PIEZO2: variants seen among roughly 807,000 people sequenced by gnomAD.
PIEZO2 encodes piezo type mechanosensitive ion channel component 2, also known as piezo-type mechanosensitive ion channel component 2.
Under a neutral mutation model 337.3 loss-of-function variants are expected in PIEZO2, and 172 were observed. The observed-to-expected ratio is 0.51, with a 90% CI of 0.45 to 0.58. The LOEUF is 0.58. Among genes scored for constraint, PIEZO2 ranks in the 20% least tolerant of loss-of-function variants. The pLI is 0.00. For missense variants in PIEZO2, 3,028 were observed against 3,391.3 expected (o/e 0.89, Z 2.66); for synonymous variants, 1,251 against 1,228.5 (o/e 1.02, Z -0.38).
chr18:11,000,391 T>C (rs2035487124), intron 2 of PIEZO2, among the ~76,000 whole-genome samples: 1 of 152,236 alleles, frequency 6.6e-6, no homozygotes, highest in Non-Finnish European at 1.5e-5. Context: ...CCTGGCTTTA[T>C]ATCCTATTAT....
chr18:11,076,712 G>C (rs2038560685), intron 1 of PIEZO2, among the ~76,000 whole-genome samples: 2 of 152,066 alleles, frequency 1.3e-5, no homozygotes, highest in African/African-American at 4.8e-5. Flanking sequence ...ATTAGTAACA[G>C]TACATATATA....
chr18:10,863,997 G>A lies in PIEZO2; in HGVS notation c.493-6786C>T, dbSNP rs545167276. Among the ~76,000 whole-genome samples, 4 of 152,028 alleles carry A rather than the reference G, an allele frequency of 2.6e-5. No individual in the cohort carries two copies. The highest frequency in any genetic ancestry group is 9.6e-5 in the African/African-American group (4 of 41,468). ...GTAGCTGTTCTAAATGATTCACCCT[G>A]GTATTCACTCCAAAAATAAAAAATT... On this transcript the variant is annotated intron_variant, in intron 5 of 55. Coordinates refer to ENST00000674853, the MANE Select transcript of PIEZO2 (RefSeq NM_001378183.1). The surrounding 1 kb of genome is among the most constrained non-coding windows in gnomAD (Gnocchi z 4.3).
At chr18:10,901,715 T>C (rs367994266) in intron 4 of PIEZO2, among the ~76,000 whole-genome samples, 1 of 152,306 alleles carries the variant, frequency 6.6e-6, no homozygotes, top group Non-Finnish European at 1.5e-5. Context: ...CCTAGGGTGC[T>C]GAGTAGAATA....
rs752128505 is a variant in PIEZO2 at position 10,680,237 on chromosome 18, A to G, written c.7914T>C (p.Asn2638=). 1 of 1,613,872 alleles carries G rather than the reference A, an allele frequency of 6.2e-7. No individual in the cohort carries two copies. The highest frequency in any genetic ancestry group is 8.5e-7 in the Non-Finnish European group (1 of 1,179,810). Residue 2638 remains asparagine (N), a synonymous_variant, in exon 52 of 56, where the codon AAT becomes AAC. Coordinates refer to ENST00000674853, the MANE Select transcript of PIEZO2 (RefSeq NM_001378183.1). Reference sequence around the variant, plus strand: ...ATGAAAAAACAACAGAGAAGCTACTATTGGGGTCCAGGAGTTCGTGTATCA... The same window carrying G: ...ATGAAAAAACAACAGAGAAGCTACTGTTGGGGTCCAGGAGTTCGTGTATCA... ...QKMIHELLDP[N]SSFSVVFSWS...
At chr18:10,849,295 G>A (rs1396812236) in intron 7 of PIEZO2, among the ~76,000 whole-genome samples, 1 of 152,136 alleles carries the variant, frequency 6.6e-6, no homozygotes, top group Non-Finnish European at 1.5e-5. Context: ...TACAGGCTTG[G>A]GCCACTGCGC....
intron 41 of PIEZO2, among the ~76,000 whole-genome samples, chr18:10,704,966 C>T (rs2035512685): frequency 6.6e-6 from 1 of 152,244 alleles, no homozygotes; most frequent in Non-Finnish European, 1.5e-5. Context: ...GCTGGGATTA[C>T]AGGCATGAGC....
rs1266559655 is a variant in PIEZO2, at chr18:11,080,940, C to A, written c.65-14718G>T. ...ATGGAGTCAACGTCCAATAGCTTCA[C>A]CAAATTGGTTATTCTGCAACATACC... On this transcript the variant is annotated intron_variant, in intron 1 of 55. Coordinates refer to ENST00000674853, the MANE Select transcript of PIEZO2 (RefSeq NM_001378183.1). This position sits in a 1 kb window ranked among gnomAD's most constrained non-coding sequence, Gnocchi z 5.4. Among the ~76,000 whole-genome samples, 3 of 152,186 alleles carry A rather than the reference C, an allele frequency of 2.0e-5. No individual in the cohort carries two copies. The highest frequency in any genetic ancestry group is 4.4e-5 in the Non-Finnish European group (3 of 68,034).
chr18:10,758,573 G>C (rs1273770388), intron 26 of PIEZO2, among the ~76,000 whole-genome samples: 1 of 152,166 alleles, frequency 6.6e-6, no homozygotes, highest in Non-Finnish European at 1.5e-5. Flanking sequence ...AGCCTCCCAA[G>C]TAGCTGGGAA....
At chr18:11,037,167 A>G (rs2036953631) in intron 2 of PIEZO2, among the ~76,000 whole-genome samples, 1 of 152,152 alleles carries the variant, frequency 6.6e-6, no homozygotes, top group Non-Finnish European at 1.5e-5. Context: ...GGGTTTCACC[A>G]TGTCGGCCAG....
At position 10,715,932 on chromosome 18, in the gene PIEZO2, A is replaced by C. The variant is rs887471472; in HGVS notation, c.5090-116T>G. On this transcript the variant is annotated intron_variant, in intron 37 of 55. Coordinates refer to ENST00000674853, the MANE Select transcript of PIEZO2 (RefSeq NM_001378183.1). Reference sequence around the variant, plus strand: ...ACCTGGCTCTTGGCCCGTGCATCTAATAAGGCATGTGACTCAGATACTCAT... The same window carrying C: ...ACCTGGCTCTTGGCCCGTGCATCTACTAAGGCATGTGACTCAGATACTCAT... The C allele has an allele frequency of 1.4e-5, 11 of 805,074 alleles. No individual in the cohort carries two copies. In the African/African-American group the frequency reaches 1.6e-4, roughly 11 times the overall value. 49.9% of individuals were successfully genotyped at this position (805,074 alleles called of 1,614,324 possible).
chr18:10,726,962 G>A lies in PIEZO2; in HGVS notation c.5029+4445C>T, dbSNP rs372132718. ...TGATGTAGGTTGAGGGCTGCAGACA[G>A]AGGCCCTGGACAGAAGCTCCAGATA... On this transcript the variant is annotated intron_variant, in intron 36 of 55. Transcript: ENST00000674853. This position sits in a 1 kb window ranked among gnomAD's most constrained non-coding sequence, Gnocchi z 5.9. 1.4e-6 allele frequency: 2 copies of A among 1,398,128 alleles called. No individual in the cohort carries two copies. The highest frequency in any genetic ancestry group is 2.9e-5 in the African/African-American group (2 of 68,998). 86.6% of individuals were successfully genotyped at this position (1,398,128 alleles called of 1,614,324 possible).
intron 7 of PIEZO2, among the ~76,000 whole-genome samples, chr18:10,811,289 TA>T (rs1030777246): frequency 1.3e-4 from 20 of 152,220 alleles, no homozygotes; most frequent in Admixed American, 3.9e-4. Context: ...TTTGTAGTCA[TA>T]ATTTGAATTT....
At chr18:11,106,921 T>G (rs915958679) in intron 1 of PIEZO2, among the ~76,000 whole-genome samples, 1 of 152,166 alleles carries the variant, frequency 6.6e-6, no homozygotes, top group Non-Finnish European at 1.5e-5. Flanking sequence ...GCAGTTCGGC[T>G]GAGAAACAAA....
At chr18:11,088,257 G>A (rs1444778935) in intron 1 of PIEZO2, among the ~76,000 whole-genome samples, 4 of 152,174 alleles carry the variant, frequency 2.6e-5, no homozygotes, top group Non-Finnish European at 2.9e-5. Context: ...CCAAGTCTCA[G>A]TAAGCAGAGG....
rs1220886855 is a variant in PIEZO2, at chr18:11,077,116, T to C, written c.65-10894A>G. The stretch of plus-strand genomic sequence containing the variant: ...TATACTTGAAATTAGACCTATTTCA[T>C]TATGAATATAAAGAGCCCTTCACTG... On this transcript the variant is annotated intron_variant, in intron 1 of 55. Transcript: ENST00000674853. The surrounding 1 kb of genome is among the most constrained non-coding windows in gnomAD (Gnocchi z 4.8). Among the ~76,000 whole-genome samples the C allele has an allele frequency of 6.6e-6, 1 of 152,228 alleles. No individual in the cohort carries two copies. Among genetic ancestry groups the C allele is most frequent in the African/African-American group, 2.4e-5 (1 of 41,452 alleles).
At chr18:10,901,378 A>G (rs991239257) in intron 4 of PIEZO2, among the ~76,000 whole-genome samples, 1 of 152,076 alleles carries the variant, frequency 6.6e-6, no homozygotes, top group Non-Finnish European at 1.5e-5. Context: ...GAGCTGTAAC[A>G]GGGTGTGAAG....
chr18:10,747,184 A>G (rs1466668217), intron 30 of PIEZO2, among the ~76,000 whole-genome samples: 1 of 152,186 alleles, frequency 6.6e-6, no homozygotes, highest in Non-Finnish European at 1.5e-5. Flanking sequence ...TGATTTCTAA[A>G]TCATTGTGAC....
rs1203407965 is a variant in PIEZO2 at position 11,031,149 on chromosome 18, C to A, written c.160+34978G>T. ...GGACTACAGGCGCCTGCCACCATGC[C>A]TGGCTAATTTTTTTGTATTTTTTTT... On this transcript the variant is annotated intron_variant, in intron 2 of 55. Transcript: ENST00000674853. The surrounding 1 kb of genome is among the most constrained non-coding windows in gnomAD (Gnocchi z 4.7). Among the ~76,000 whole-genome samples, 1 of 150,502 alleles carries A rather than the reference C, an allele frequency of 6.6e-6. No homozygotes were observed. Among genetic ancestry groups the A allele is most frequent in the Admixed American group, 6.6e-5 (1 of 15,154 alleles).
intron 50 of PIEZO2, 132 bp downstream of exon 50, chr18:10,681,972 C>T: frequency 1.1e-6 from 1 of 949,694 alleles, no homozygotes; most frequent in East Asian, 2.6e-5. Flanking sequence ...ATTCATACAT[C>T]AAGTATTTGC....
Sources: allele counts gnomAD v4.1 joint callset (sites outside exome capture counted in the v4.1 genomes callset), GRCh38; gene constraint gnomAD v4.1.1; non-coding constraint Gnocchi (gnomAD v3.1); transcripts MANE v1.5; gene names NCBI Gene and HGNC (gene_info 2026-07-23, HGNC 2026-07-21).